The following OR51E2 variants were observed in gnomAD, a reference collection of about 807,000 sequenced individuals.
The protein encoded by OR51E2 is olfactory receptor family 51 subfamily E member 2, also known as olfactory receptor 51E2.
OR51E2 carries 14 observed loss-of-function variants against 13.7 expected under a neutral mutation model. The ratio of observed to expected loss-of-function variants is 1.02; its 90% CI spans 0.68 to 1.60. OR51E2 has a LOEUF of 1.60. OR51E2 is among the 40% of genes most tolerant of loss of function. The probability of loss-of-function intolerance (pLI) is 0.00; values close to 1 mark genes in which losing one functional copy is unlikely to be tolerated. For missense variants in OR51E2, 483 were observed against 413.8 expected (o/e 1.17, Z -1.45); for synonymous variants, 180 against 157.6 (o/e 1.14, Z -1.07).
Position 4,682,062 on chromosome 11 carries a change from T to C in OR51E2, c.650A>G (p.Tyr217Cys), listed in dbSNP as rs1450242174. 6.2e-7 allele frequency: 1 copy of C among 1,613,988 alleles called. No homozygotes were observed. Among genetic ancestry groups the C allele is most frequent in the African/African-American group, 1.3e-5 (1 of 74,948 alleles). Reference protein sequence around the residue: ...GVDVMFISLSYFLIIRTVLQL... With the variant: ...GVDVMFISLSCFLIIRTVLQL... ...CAGAACCGTTCGTATTATCAGAAAA[T>C]AGGACAAGGAGATGAACATTACGTC... Residue 217 changes from tyrosine to cysteine, a missense_variant, in exon 2 of 2, where the codon TAT becomes TGT. By Grantham distance (194) the Tyr-to-Cys change is radical. Coordinates refer to ENST00000396950, the MANE Select transcript of OR51E2 (RefSeq NM_030774.4).
intron 1 of OR51E2, among the ~76,000 whole-genome samples, chr11:4,692,861 A>G (rs1303861407): frequency 1.4e-5 from 2 of 147,404 alleles, no homozygotes; most frequent in East Asian, 2.2e-4. Context: ...TGAAAAAAAA[A>G]GGGGGGGTGG....
chr11:4,681,759 C>T lies in OR51E2; in HGVS notation c.953G>A (p.Gly318Glu). The T allele has an allele frequency of 6.2e-7, 1 of 1,613,934 alleles. No homozygotes were observed. Among genetic ancestry groups the T allele is most frequent in the Non-Finnish European group, 8.5e-7 (1 of 1,179,786 alleles). ...GTGTAGTGTTAAGGGTCACTTGCCT[C>T]CCACAGCCTGCAAGTCCTTGTCACA... ...ISCDKDLQAV[G>E]GK is the part of the protein sequence containing the mutation. The change falls in exon 2 of 2, where the codon GGA (glycine) becomes GAA (glutamate). Residue 318 changes from glycine (G) to glutamate (E), a missense_variant. By Grantham distance (98) the Gly-to-Glu change is moderately conservative. Transcript: ENST00000396950.
intron 1 of OR51E2, among the ~76,000 whole-genome samples, chr11:4,683,027 C>T (rs1049861624): frequency 1.3e-5 from 2 of 152,150 alleles, no homozygotes; most frequent in African/African-American, 2.4e-5. Context: ...ACCTTCGTTG[C>T]CTGGATATTT....
intron 1 of OR51E2, among the ~76,000 whole-genome samples, chr11:4,688,205 G>A (rs1703562576): frequency 6.6e-6 from 1 of 152,100 alleles, no homozygotes; most frequent in African/African-American, 2.4e-5. Context: ...TAAAAATAAG[G>A]CAGATAAAGA....
At chr11:4,684,103 A>G (rs913065322) in intron 1 of OR51E2, among the ~76,000 whole-genome samples, 34 of 152,244 alleles carry the variant, frequency 2.2e-4, no homozygotes, top group Non-Finnish European at 4.4e-5. Flanking sequence ...ATTAGTACAA[A>G]GAGATTTGAA....
At position 4,680,254 on chromosome 11, in the gene OR51E2, A is replaced by G. The variant is rs762143589; in HGVS notation, c.*1495T>C. The G allele has an allele frequency of 5.3e-5, 8 of 152,236 alleles. No homozygotes were observed. Among genetic ancestry groups the G allele is most frequent in the Non-Finnish European group, 1.0e-4 (7 of 68,034 alleles). The allele number at this position is 152,236 out of a possible 1,614,324, so 9.4% of individuals were successfully genotyped here. ...TGTACATTCAAAATTTTTGACAGGT[A>G]CAGAGCACATTAAAAAATGAAGACA... On this transcript the variant is annotated 3_prime_UTR_variant, in exon 2 of 2. Coordinates refer to ENST00000396950, the MANE Select transcript of OR51E2 (RefSeq NM_030774.4).
chr11:4,680,231 T>C lies in OR51E2; in HGVS notation c.*1518A>G, dbSNP rs909214724. The C allele has an allele frequency of 8.5e-5, 13 of 152,208 alleles. No individual in the cohort carries two copies. The highest frequency in any genetic ancestry group is 2.6e-4 in the Admixed American group (4 of 15,282). The allele number at this position is 152,208 out of a possible 1,614,324, so 9.4% of individuals were successfully genotyped here. A position where few individuals can be genotyped will look rare whatever the true frequency, so the allele number is the denominator to read the frequency against. The stretch of plus-strand genomic sequence containing the variant: ...CAAGTTCAGACAATAGCATGTGGTG[T>C]ACATTCAAAATTTTTGACAGGTACA... On this transcript the variant is annotated 3_prime_UTR_variant, in exon 2 of 2. Transcript: ENST00000396950.
At chr11:4,695,449 G>A (rs111546263) in intron 1 of OR51E2, among the ~76,000 whole-genome samples, 2,124 of 152,226 alleles carry the variant, frequency 0.014, 20 homozygotes, top group Middle Eastern at 0.041. Context: ...TTCATAATTA[G>A]CCTTGTGCTT....
intron 1 of OR51E2, among the ~76,000 whole-genome samples, chr11:4,695,469 G>A (rs1847644639): frequency 6.6e-6 from 1 of 152,134 alleles, no homozygotes; most frequent in Admixed American, 6.5e-5. Context: ...TTGATAGTGA[G>A]GGATACAAGA....
At chr11:4,693,488 G>A (rs1343511725) in intron 1 of OR51E2, among the ~76,000 whole-genome samples, 1 of 152,158 alleles carries the variant, frequency 6.6e-6, no homozygotes, top group African/African-American at 2.4e-5. Flanking sequence ...TTGGGAGGCC[G>A]AGGTGGGCGG....
intron 1 of OR51E2, among the ~76,000 whole-genome samples, chr11:4,689,538 T>TA (rs1412569811): frequency 6.6e-6 from 1 of 152,190 alleles, no homozygotes; most frequent in African/African-American, 2.4e-5. Flanking sequence ...CTGGACCTGA[T>TA]ACCAACTATA....
At position 4,682,261 on chromosome 11, in the gene OR51E2, C is replaced by T. The variant is rs756220257; in HGVS notation, c.451G>A (p.Gly151Arg). The change falls in exon 2 of 2, where the codon GGA (glycine) becomes AGA (arginine). Residue 151 changes from glycine to arginine, a missense_variant. Transcript: ENST00000396950. ...AQIGIVAVVR[G>R]SLFFFPLPLL... The stretch of plus-strand genomic sequence containing the variant: ...GGCAGTGGGAAAAAAAAGAGGGATC[C>T]GCGGACCACAGCCACGATGCCAATC... The T allele has an allele frequency of 9.3e-6, 15 of 1,614,002 alleles. No individual in the cohort carries two copies. Among genetic ancestry groups the T allele is most frequent in the East Asian group, 2.2e-5 (1 of 44,866 alleles).
chr11:4,687,235 C>T (rs920822893), intron 1 of OR51E2, among the ~76,000 whole-genome samples: 2 of 151,970 alleles, frequency 1.3e-5, no homozygotes. Flanking sequence ...AGATGATCTG[C>T]AGGGGTACGT....
chr11:4,694,462 G>A (rs1847628021), intron 1 of OR51E2, among the ~76,000 whole-genome samples: 1 of 149,848 alleles, frequency 6.7e-6, no homozygotes, highest in African/African-American at 2.5e-5. Context: ...AGTTCAAACT[G>A]AACTAAACTA....
At chr11:4,692,118 G>A in intron 1 of OR51E2, 1 of 446,972 alleles carries the variant, frequency 2.2e-6, no homozygotes, top group Non-Finnish European at 4.5e-6. Flanking sequence ...GTTGGCACCA[G>A]AGAAAAATAC....
Position 4,682,043 on chromosome 11 carries a change from C to T in OR51E2, c.669G>A (p.Thr223=), listed in dbSNP as rs747073958. The T allele has an allele frequency of 5.0e-6, 8 of 1,614,096 alleles. No homozygotes were observed. Among genetic ancestry groups the T allele is most frequent in the Admixed American group, 3.3e-5 (2 of 60,006 alleles). The stretch of plus-strand genomic sequence containing the variant: ...CTGACTTGGAAGGCAGTTGCAGAAC[C>T]GTTCGTATTATCAGAAAATAGGACA... ...ISLSYFLIIR[T]VLQLPSKSER... The change falls in exon 2 of 2, where the codon ACG becomes ACA. Residue 223 remains threonine, a synonymous_variant. Coordinates refer to ENST00000396950, the MANE Select transcript of OR51E2 (RefSeq NM_030774.4).
At chr11:4,683,881 C>G (rs532928641) in intron 1 of OR51E2, among the ~76,000 whole-genome samples, 1 of 152,362 alleles carries the variant, frequency 6.6e-6, no homozygotes, top group Admixed American at 6.5e-5. Context: ...AAAGCCTTGG[C>G]TGCAAGGCCT....
rs7129055 is a variant in OR51E2 at position 4,681,134 on chromosome 11, A to G, written c.*615T>C. 0.056 allele frequency: 8,648 copies of G among 155,444 alleles called. 423 individuals are homozygous for G. Among genetic ancestry groups the G allele is most frequent in the East Asian group, 0.19 (984 of 5,244 alleles). The allele number at this position is 155,444 out of a possible 1,614,324, so 9.6% of individuals were successfully genotyped here. Reference sequence around the variant, plus strand: ...TGGGAGGCTGAGGCGGGTGGATCACAAGGTCAGGAGATCGAGACCATCCTG... The same window carrying G: ...TGGGAGGCTGAGGCGGGTGGATCACGAGGTCAGGAGATCGAGACCATCCTG... On this transcript the variant is annotated 3_prime_UTR_variant, in exon 2 of 2. Coordinates refer to ENST00000396950, the MANE Select transcript of OR51E2 (RefSeq NM_030774.4).
chr11:4,696,313 A>G (rs2133254680), intron 1 of OR51E2, among the ~76,000 whole-genome samples: 1 of 152,238 alleles, frequency 6.6e-6, no homozygotes, highest in East Asian at 1.9e-4. Context: ...AGCAAACGAC[A>G]TCGAACTCTA....
Sources: gnomAD v4.1 joint callset for allele counts (sites outside exome capture counted in the v4.1 genomes callset) on GRCh38, gnomAD v4.1.1 for gene constraint, MANE v1.5 for transcripts, NCBI Gene and HGNC (gene_info 2026-07-23, HGNC 2026-07-21) for gene names.